SORCS3: variants seen among roughly 807,000 people sequenced by gnomAD.
SORCS3 encodes sortilin related VPS10 domain containing receptor 3, also known as VPS10 domain-containing receptor SorCS3.
SORCS3 carries 57 observed loss-of-function variants against 146.3 expected under a neutral mutation model. That is an observed-to-expected ratio of 0.39 (90% CI 0.31 to 0.49). The LOEUF is 0.49. Among genes scored for constraint, SORCS3 ranks in the 20% least tolerant of loss-of-function variants. SORCS3 has a pLI of 0.92. For synonymous variants in SORCS3, 653 were observed against 618.5 expected (o/e 1.06, Z -0.83); for missense variants, 1,341 against 1,575.5 (o/e 0.85, Z 2.52).
intron 4 of SORCS3, among the ~76,000 whole-genome samples, chr10:104,995,164 C>CT (rs34446072): frequency 0.11 from 15,018 of 137,172 alleles, 1,330 homozygotes; most frequent in African/African-American, 0.25. Context: ...CTTTCTTTCT[C>CT]TTTTTTTTTT....
intron 24 of SORCS3, among the ~76,000 whole-genome samples, chr10:105,256,566 T>C (rs1042994443): frequency 1.3e-5 from 2 of 152,184 alleles, no homozygotes; most frequent in Admixed American, 1.3e-4. Flanking sequence ...ACATACGTTG[T>C]TCAATTTATA....
chr10:104,911,657 C>G (rs1333696688), intron 2 of SORCS3, among the ~76,000 whole-genome samples: 6 of 152,108 alleles, frequency 3.9e-5, no homozygotes, highest in Non-Finnish European at 7.3e-5. Context: ...ATTTAAGATC[C>G]CATAAGGGAC....
chr10:104,935,518 G>A (rs2019251434), intron 3 of SORCS3, among the ~76,000 whole-genome samples: 3 of 152,086 alleles, frequency 2.0e-5, no homozygotes, highest in Admixed American at 6.5e-5. Flanking sequence ...AGAACCATGG[G>A]TCTAGTTGGA....
chr10:104,738,605 G>A (rs902578653), intron 1 of SORCS3, among the ~76,000 whole-genome samples: 4 of 152,198 alleles, frequency 2.6e-5, no homozygotes, highest in East Asian at 1.9e-4. Flanking sequence ...TATGGGTTCC[G>A]TGTTCCCTCC....
intron 7 of SORCS3, among the ~76,000 whole-genome samples, chr10:105,130,231 A>G (rs909452390): frequency 6.6e-6 from 1 of 152,194 alleles, no homozygotes; most frequent in African/African-American, 2.4e-5. Flanking sequence ...AGAAAGTGGT[A>G]TGAGCGGGAT....
chr10:104,962,777 A>C (rs549481310), intron 3 of SORCS3, among the ~76,000 whole-genome samples: 1 of 152,320 alleles, frequency 6.6e-6, no homozygotes, highest in Admixed American at 6.5e-5. Flanking sequence ...AAATTTGGGG[A>C]AAATAGAAAA....
At chr10:104,873,673 C>A (rs1057253448) in intron 2 of SORCS3, among the ~76,000 whole-genome samples, 1 of 152,158 alleles carries the variant, frequency 6.6e-6, no homozygotes, top group African/African-American at 2.4e-5. Flanking sequence ...ATTTGCTTGG[C>A]ATAATGCACT....
chr10:105,016,400 C>T (rs1336115634), intron 4 of SORCS3, among the ~76,000 whole-genome samples: 1 of 151,450 alleles, frequency 6.6e-6, no homozygotes, highest in Non-Finnish European at 1.5e-5. Flanking sequence ...CCACCCACCT[C>T]AGCTTCCCAA....
rs191973595 is a variant in SORCS3 at position 105,112,041 on chromosome 10, A to G, written c.1212+6526A>G. Among the ~76,000 whole-genome samples the G allele has an allele frequency of 2.5e-3, 376 of 152,286 alleles. 2 individuals carry two copies. Among genetic ancestry groups the G allele is most frequent in the African/African-American group, 8.5e-3 (354 of 41,574 alleles). ...TTCTGTTTTCTTTAATTAAATCTAG[A>G]TAATGTTGTGTTCCCCTCTTTATAG... is the stretch of plus-strand genomic sequence containing the variant. On this transcript the variant is annotated intron_variant, in intron 7 of 26. Coordinates refer to ENST00000369701, the MANE Select transcript of SORCS3 (RefSeq NM_014978.3).
At chr10:104,786,419 G>A (rs1430632886) in intron 1 of SORCS3, among the ~76,000 whole-genome samples, 3 of 151,930 alleles carry the variant, frequency 2.0e-5, no homozygotes, top group African/African-American at 2.4e-5. Flanking sequence ...GTGGTGGCAC[G>A]TGCCTGTAAT....
rs1412179938 is a variant in SORCS3 at position 105,264,192 on chromosome 10, T to C, written c.*818T>C. The C allele has an allele frequency of 1.3e-5, 2 of 151,770 alleles. No homozygotes were observed. The highest frequency in any genetic ancestry group is 3.9e-4 in the East Asian group (2 of 5,152). The allele number at this position is 151,770 out of a possible 1,614,324, so 9.4% of individuals were successfully genotyped here. On this transcript the variant is annotated 3_prime_UTR_variant, in exon 27 of 27. Coordinates refer to ENST00000369701, the MANE Select transcript of SORCS3 (RefSeq NM_014978.3). ...GGGGCAATTGATAAAGGAAGGACTC[T>C]AGTGACATCATAGAACATGGCAGTC...
At chr10:105,212,250 G>A (rs1466253758) in intron 17 of SORCS3, among the ~76,000 whole-genome samples, 1 of 152,164 alleles carries the variant, frequency 6.6e-6, no homozygotes, top group East Asian at 1.9e-4. Flanking sequence ...TTTAGTTCTG[G>A]GAGGGCTATT....
At chr10:104,680,823 C>CTTGTGGAGAG (rs1371196637) in intron 1 of SORCS3, among the ~76,000 whole-genome samples, 1 of 152,230 alleles carries the variant, frequency 6.6e-6, no homozygotes, top group Non-Finnish European at 1.5e-5. Flanking sequence ...CAGGTGCGCC[C>CTTGTGGAGAG]TTGTGGAGAG....
chr10:105,164,295 T>C lies in SORCS3; in HGVS notation c.1733-8T>C. 2 of 1,610,792 alleles carry C rather than the reference T, an allele frequency of 1.2e-6. No individual in the cohort carries two copies. Among genetic ancestry groups the C allele is most frequent in the South Asian group, 1.1e-5 (1 of 91,018 alleles). On this transcript the variant is annotated splice_region_variant and splice_polypyrimidine_tract_variant and intron_variant, in intron 11 of 26. Transcript: ENST00000369701. ...CTGACAATCTCAAATGATCTGCTTA[T>C]GTTTCAGGCAACATTGGCCCGGAGC... is the stretch of plus-strand genomic sequence containing the variant.
chr10:105,001,189 A>G (rs1236735828), intron 4 of SORCS3, among the ~76,000 whole-genome samples: 1 of 151,938 alleles, frequency 6.6e-6, no homozygotes. Context: ...TAGTTAAGTA[A>G]GTTTTTGGAG....
intron 1 of SORCS3, among the ~76,000 whole-genome samples, chr10:104,772,095 G>A (rs962917613): frequency 3.9e-5 from 6 of 152,310 alleles, no homozygotes; most frequent in Admixed American, 6.5e-5. Flanking sequence ...CAGGATGGGC[G>A]TCTTGGGTGT....
intron 20 of SORCS3, among the ~76,000 whole-genome samples, chr10:105,242,883 TATATA>T (rs1328404545): frequency 9.3e-6 from 1 of 107,988 alleles, no homozygotes; most frequent in Non-Finnish European, 1.7e-5. Context: ...ATATAAATTA[TATATA>T]ATATATGATA....
At chr10:104,841,387 C>T (rs1409611533) in intron 1 of SORCS3, among the ~76,000 whole-genome samples, 2 of 152,190 alleles carry the variant, frequency 1.3e-5, no homozygotes, top group Non-Finnish European at 2.9e-5. Context: ...GGTAGTAGGA[C>T]AGGTAGCTTG....
At chr10:105,135,823 T>G (rs2056055207) in intron 7 of SORCS3, among the ~76,000 whole-genome samples, 1 of 152,196 alleles carries the variant, frequency 6.6e-6, no homozygotes, top group African/African-American at 2.4e-5. Flanking sequence ...ACTCCTCATT[T>G]CCATCTAAGA....
Sources: gnomAD v4.1 joint callset for allele counts (sites outside exome capture counted in the v4.1 genomes callset) on GRCh38, gnomAD v4.1.1 for gene constraint, MANE v1.5 for transcripts, NCBI Gene and HGNC (gene_info 2026-07-23, HGNC 2026-07-21) for gene names.